Variants in BICRA observed in about 807,000 individuals in gnomAD.
BICRA encodes BRD4 interacting chromatin remodeling complex associated protein, also known as BRD4-interacting chromatin-remodeling complex-associated protein.
BICRA carries 31 observed loss-of-function variants against 96.9 expected under a neutral mutation model. The observed-to-expected ratio is 0.32, with a 90% CI of 0.24 to 0.43. BICRA has a LOEUF of 0.43. Among genes scored for constraint, BICRA ranks in the 20% least tolerant of loss-of-function variants. BICRA has a pLI of 1.00. For missense variants in BICRA, 2,283 were observed against 2,190.3 expected (o/e 1.04, Z -0.84); for synonymous variants, 1,350 against 1,071.8 (o/e 1.26, Z -5.07).
At chr19:47,678,485 T>C (rs1972973877) in intron 5 of BICRA, among the ~76,000 whole-genome samples, 1 of 152,104 alleles carries the variant, frequency 6.6e-6, no homozygotes, top group South Asian at 2.1e-4. Context: ...TTGGGCTGGA[T>C]GGGCATGGGC....
chr19:47,617,663 T>G (rs1455673165), intron 1 of BICRA, among the ~76,000 whole-genome samples: 1 of 152,108 alleles, frequency 6.6e-6, no homozygotes, highest in Non-Finnish European at 1.5e-5. Flanking sequence ...GCACCTGGCC[T>G]TTTTAACTTT....
chr19:47,693,466 G>C (rs931714640), intron 7 of BICRA, among the ~76,000 whole-genome samples: 1 of 152,200 alleles, frequency 6.6e-6, no homozygotes, highest in Non-Finnish European at 1.5e-5. Context: ...CTTAGAAGGG[G>C]GTCCAGGCCT....
At chr19:47,609,376 CTTTTTTTTTTT>C (rs774981061) in intron 1 of BICRA, among the ~76,000 whole-genome samples, 1 of 27,612 alleles carries the variant, frequency 3.6e-5, no homozygotes, top group Non-Finnish European at 6.8e-5. Flanking sequence ...CCGCTGCCTC[CTTTTTTTTTTT>C]TTTTTTTTTT....
chr19:47,652,880 A>G (rs1251015962), intron 1 of BICRA, among the ~76,000 whole-genome samples: 2 of 152,118 alleles, frequency 1.3e-5, no homozygotes, highest in African/African-American at 2.4e-5. Context: ...AGCATTCAGA[A>G]TATGTATCAT....
chr19:47,668,487 C>CTTTTT (rs35737042), intron 1 of BICRA, among the ~76,000 whole-genome samples: 1 of 125,950 alleles, frequency 7.9e-6, no homozygotes, highest in Non-Finnish European at 1.6e-5. Flanking sequence ...CTTTGTGAGT[C>CTTTTT]TTTTTTTTTT....
chr19:47,666,135 G>C (rs1029126864), intron 1 of BICRA, among the ~76,000 whole-genome samples: 5 of 152,206 alleles, frequency 3.3e-5, no homozygotes, highest in African/African-American at 9.7e-5. Context: ...GCACAGAGGG[G>C]ATAAGTAACT....
upstream of BICRA, among the ~76,000 whole-genome samples, chr19:47,608,805 T>G (rs1302700125): frequency 2.8e-4 from 41 of 148,216 alleles, no homozygotes; most frequent in African/African-American, 8.9e-4. Flanking sequence ...CGGGGATTCC[T>G]GAAGCCCCTC....
intron 1 of BICRA, among the ~76,000 whole-genome samples, chr19:47,619,741 CAAAT>C (rs1290531478): frequency 3.3e-5 from 5 of 152,134 alleles, no homozygotes; most frequent in Non-Finnish European, 7.4e-5. Flanking sequence ...CTCCAAAAAA[CAAAT>C]AAAGACCTTA....
intron 1 of BICRA, among the ~76,000 whole-genome samples, chr19:47,668,300 G>T (rs550267018): frequency 6.6e-6 from 1 of 152,068 alleles, no homozygotes; most frequent in South Asian, 2.1e-4. Flanking sequence ...ACCTACTTGC[G>T]AACATTGGTA....
At chr19:47,684,462 C>T (rs1377033048) in intron 7 of BICRA, among the ~76,000 whole-genome samples, 3 of 152,128 alleles carry the variant, frequency 2.0e-5, no homozygotes, top group East Asian at 1.9e-4. Context: ...GATTTACAGG[C>T]GCCCGCCACC....
chr19:47,642,990 CTT>C (rs747403765), intron 1 of BICRA, among the ~76,000 whole-genome samples: 1 of 152,198 alleles, frequency 6.6e-6, no homozygotes, highest in African/African-American at 2.4e-5. Context: ...TTTGTTGTCT[CTT>C]TTGAGACGGA....
chr19:47,673,280 A>AGT (rs995447998), intron 2 of BICRA, among the ~76,000 whole-genome samples: 2 of 152,064 alleles, frequency 1.3e-5, no homozygotes, highest in Non-Finnish European at 2.9e-5. Context: ...GGATTAGCTT[A>AGT]GTGTGTGTGA....
chr19:47,697,654 T>C (rs527962865), intron 11 of BICRA, among the ~76,000 whole-genome samples: 1 of 152,050 alleles, frequency 6.6e-6, no homozygotes, highest in South Asian at 2.1e-4. Context: ...ATTTTTGTAT[T>C]TTTAGTAGAG....
At position 47,694,162 on chromosome 19, in the gene BICRA, G is replaced by T; in HGVS notation, c.2331G>T (p.Pro777=). 1 of 1,241,542 alleles carries T rather than the reference G, an allele frequency of 8.1e-7. No individual in the cohort carries two copies. 76.9% of individuals were successfully genotyped at this position (1,241,542 alleles called of 1,614,324 possible). A position where few individuals can be genotyped will look rare whatever the true frequency, so the allele number is the denominator to read the frequency against. ...AGGGCCCAGGCCCCTCTTCGTCCCC[G>T]TCACTACCTCACCAGGCCCCTCTGG... is the stretch of plus-strand genomic sequence containing the variant. The part of the protein sequence containing the change: ...PLKGPGPSSS[P]SLPHQAPLGD... Residue 777 remains proline (P), a synonymous_variant, in exon 8 of 15, where the codon CCG becomes CCT. Transcript: ENST00000594866.
At chr19:47,655,525 C>CAAAAAAAAAA (rs58172799) in intron 1 of BICRA, among the ~76,000 whole-genome samples, 1 of 65,122 alleles carries the variant, frequency 1.5e-5, no homozygotes, top group Non-Finnish European at 2.8e-5. Context: ...AACTCTGTCT[C>CAAAAAAAAAA]AAAAAAAAAA....
At chr19:47,619,443 G>A (rs1307882169) in intron 1 of BICRA, among the ~76,000 whole-genome samples, 1 of 151,962 alleles carries the variant, frequency 6.6e-6, no homozygotes, top group African/African-American at 2.4e-5. Flanking sequence ...ATTTTTAGTA[G>A]AGATGAGGTT....
chr19:47,691,374 G>A (rs1342755644), intron 7 of BICRA, among the ~76,000 whole-genome samples: 1 of 152,172 alleles, frequency 6.6e-6, no homozygotes, highest in Non-Finnish European at 1.5e-5. Context: ...ACCAGCATAT[G>A]GGAGGGGACT....
chr19:47,615,082 C>T (rs149060462), intron 1 of BICRA, among the ~76,000 whole-genome samples: 177 of 152,302 alleles, frequency 1.2e-3, no homozygotes, highest in African/African-American at 4.0e-3. Context: ...TTCCTGGGCT[C>T]AAGTGAGCCT....
chr19:47,665,587 A>T (rs1599833945), intron 1 of BICRA, among the ~76,000 whole-genome samples: 2 of 152,170 alleles, frequency 1.3e-5, no homozygotes, highest in Non-Finnish European at 2.9e-5. Context: ...CTCCTGCCTC[A>T]GTCTCCTGAG....
Sources: allele counts gnomAD v4.1 joint callset (sites outside exome capture counted in the v4.1 genomes callset), GRCh38; gene constraint gnomAD v4.1.1; transcripts MANE v1.5; gene names NCBI Gene and HGNC (gene_info 2026-07-23, HGNC 2026-07-21).